The following SH3KBP1 variants were observed in gnomAD, a reference collection of about 807,000 sequenced individuals.
SH3KBP1 encodes SH3 domain containing kinase binding protein 1, also known as SH3 domain-containing kinase-binding protein 1.
A neutral mutation model predicts 50.1 loss-of-function variants in SH3KBP1; 8 were observed. The ratio of observed to expected loss-of-function variants is 0.16; its 90% CI spans 0.09 to 0.29. The LOEUF (loss-of-function observed/expected upper bound fraction) is 0.29. SH3KBP1 is among the 10% of genes least tolerant of loss of function. The pLI is 1.00. For synonymous variants in SH3KBP1, 227 were observed against 218.6 expected, an observed-to-expected ratio of 1.04 and a Z score of -0.34; for missense variants, 377 against 535.2, an observed-to-expected ratio of 0.70 and a Z score of 2.92.
rs1324638926 is a variant in SH3KBP1, at chrX:19,661,669, C to T, written c.727-16194G>A. On this transcript the variant is annotated intron_variant, in intron 6 of 17. Coordinates refer to ENST00000397821, the MANE Select transcript of SH3KBP1 (RefSeq NM_031892.3). The stretch of plus-strand genomic sequence containing the variant: ...TGAGATGGAGTTTCGCTCTGTTGCC[C>T]AGGCTGGAGTGCAGTGGCGCAATCT... 2.9e-5 allele frequency among the ~76,000 whole-genome samples: 3 copies of T among 103,161 alleles called. 1 individual carries two copies. The highest frequency in any genetic ancestry group is 2.0e-5 in the Non-Finnish European group (1 of 50,639). 89.6% of individuals were successfully genotyped at this position (103,161 alleles called of 115,157 possible).
Position 19,692,820 on chromosome X carries a change from T to C in SH3KBP1, c.520+2792A>G, listed in dbSNP as rs186077188. Among the ~76,000 whole-genome samples, 544 of 107,862 alleles carry C rather than the reference T, an allele frequency of 5.0e-3. 5 individuals are homozygous for C. Among genetic ancestry groups the C allele is most frequent in the African/African-American group, 0.018 (530 of 29,541 alleles). 93.7% of individuals were successfully genotyped at this position (107,862 alleles called of 115,157 possible). On this transcript the variant is annotated intron_variant, in intron 5 of 17. Coordinates refer to ENST00000397821, the MANE Select transcript of SH3KBP1 (RefSeq NM_031892.3). ...GCCTCAGCCTCCTGTGTAGCTGGGA[T>C]TACAGGTATGTGCCAGCACGCCCAG...
intron 7 of SH3KBP1, among the ~76,000 whole-genome samples, chrX:19,634,799 AGAGAG>A (rs1202672476): frequency 1.8e-5 from 2 of 111,874 alleles, no homozygotes; most frequent in Non-Finnish European, 1.9e-5. Flanking sequence ...TAAGGAGGGG[AGAGAG>A]GAGAGTCTGG....
At chrX:19,758,931 A>C (rs1229613936) in intron 2 of SH3KBP1, among the ~76,000 whole-genome samples, 6 of 112,036 alleles carry the variant, frequency 5.4e-5, no homozygotes, top group African/African-American at 1.9e-4. Flanking sequence ...ACGGTGTGCC[A>C]ACATAAATGA....
chrX:19,785,790 C>A (rs1163850818), intron 2 of SH3KBP1, among the ~76,000 whole-genome samples: 1 of 111,570 alleles, frequency 9.0e-6, no homozygotes, highest in East Asian at 2.8e-4. Flanking sequence ...CACGGATGAA[C>A]CTTGAGGACA....
chrX:19,871,598 C>T (rs1038878062), intron 1 of SH3KBP1, among the ~76,000 whole-genome samples: 1 of 112,080 alleles, frequency 8.9e-6, no homozygotes, highest in South Asian at 3.7e-4. Flanking sequence ...TGACATTTGA[C>T]GTACACTTGG....
chrX:19,838,401 A>G (rs1162955357), intron 1 of SH3KBP1, among the ~76,000 whole-genome samples: 1 of 111,499 alleles, frequency 9.0e-6, no homozygotes, highest in Non-Finnish European at 1.9e-5. Flanking sequence ...AAAGCTAATA[A>G]TTCCCATCTG....
In SH3KBP1 at chrX:19,588,676, G is replaced by A. The variant is rs767293120; in HGVS notation, c.1265C>T (p.Pro422Leu). The change falls in exon 12 of 18, where the codon CCG becomes CTG. Residue 422 changes from proline to leucine, a missense_variant. Pro to Leu is a moderately conservative substitution (Grantham distance 98). This residue lies in a region of SH3KBP1 where 257 missense variants were observed against 374.2 expected (regional missense o/e 0.69). Transcript: ENST00000397821. ...TGTCAGCGGACCCACCGGTCTCTCCGGCCTTCTCGGGGGCAGTGCGCCAGG... is the reference window on the plus strand; with the variant it reads ...TGTCAGCGGACCCACCGGTCTCTCCAGCCTTCTCGGGGGCAGTGCGCCAGG... ...SRPGALPPRR[P>L]ERPVGPLTHT... is the part of the protein sequence containing the mutation. 1.7e-5 allele frequency: 20 copies of A among 1,205,816 alleles called. No individual in the cohort carries two copies. The East Asian group carries it at 3.3e-4, about 20-fold the overall frequency.
At chrX:19,880,638 C>T (rs1022509512) in intron 1 of SH3KBP1, among the ~76,000 whole-genome samples, 1 of 112,383 alleles carries the variant, frequency 8.9e-6, no homozygotes, top group Admixed American at 9.4e-5. Flanking sequence ...ACAATGACTT[C>T]CCAAAGATGG....
chrX:19,644,627 T>G (rs1388355812), intron 7 of SH3KBP1, among the ~76,000 whole-genome samples: 3 of 112,484 alleles, frequency 2.7e-5, no homozygotes, highest in Non-Finnish European at 5.6e-5. Context: ...ACTATGCCTA[T>G]GAAATACATA....
At chrX:19,875,179 C>T (rs1385848316) in intron 1 of SH3KBP1, among the ~76,000 whole-genome samples, 2 of 111,457 alleles carry the variant, frequency 1.8e-5, no homozygotes, top group Admixed American at 1.9e-4. Context: ...TCCCCCATGG[C>T]ATGCTATCAC....
intron 6 of SH3KBP1, 39 bp from the exon 7 acceptor site, chrX:19,645,514 T>C (rs1286937884): frequency 2.0e-6 from 2 of 984,939 alleles, no homozygotes; most frequent in East Asian, 3.1e-5. Flanking sequence ...ATCAAGATGA[T>C]TGTCTCCATT....
At chrX:19,776,823 G>C (rs1037328925) in intron 2 of SH3KBP1, among the ~76,000 whole-genome samples, 1 of 110,470 alleles carries the variant, frequency 9.1e-6, no homozygotes, top group Admixed American at 9.7e-5. Context: ...CAAAGCACCA[G>C]GATGACAGGT....
chrX:19,710,435 G>A (rs1176245664), intron 3 of SH3KBP1, among the ~76,000 whole-genome samples: 8 of 111,560 alleles, frequency 7.2e-5, no homozygotes, highest in Non-Finnish European at 7.5e-5. Context: ...ACGTCACAAT[G>A]CCCACATCAT....
intron 3 of SH3KBP1, among the ~76,000 whole-genome samples, chrX:19,725,008 G>A (rs1006073492): frequency 1.8e-5 from 2 of 111,604 alleles, no homozygotes; most frequent in African/African-American, 6.5e-5. Context: ...ATTACTACAG[G>A]CTAGCCCAGA....
chrX:19,795,232 T>C (rs2066674025), intron 2 of SH3KBP1, among the ~76,000 whole-genome samples: 2 of 111,803 alleles, frequency 1.8e-5, no homozygotes, highest in African/African-American at 6.5e-5. Context: ...TGGAGATGCA[T>C]CTGTATCTTT....
rs75643225 is a variant in SH3KBP1, at chrX:19,540,075, T to TG, written c.1892+1849dup. ...GTTCAGAAGGCAAGAACCAATGCTC[T>TG]GGGGTATCCTGGGGCCTCTGTGATG... On this transcript the variant is annotated intron_variant, in intron 16 of 17. Transcript: ENST00000397821. Among the ~76,000 whole-genome samples, 467 of 111,539 alleles carry TG rather than the reference T, an allele frequency of 4.2e-3. 10 individuals carry two copies. The East Asian group carries it at 0.093, about 22-fold the overall frequency.
At chrX:19,634,168 G>A (rs916253400) in intron 7 of SH3KBP1, among the ~76,000 whole-genome samples, 1 of 106,110 alleles carries the variant, frequency 9.4e-6, no homozygotes, top group Admixed American at 1.0e-4. Context: ...GAGAGACATG[G>A]AGAGACAGAG....
intron 16 of SH3KBP1, among the ~76,000 whole-genome samples, chrX:19,539,509 C>T (rs774257968): frequency 1.3e-3 from 151 of 112,211 alleles, no homozygotes; most frequent in African/African-American, 4.8e-3. Context: ...ATGCTCCAAC[C>T]CCAGGAGACT....
At chrX:19,817,975 T>C (rs2067409445) in intron 2 of SH3KBP1, among the ~76,000 whole-genome samples, 1 of 112,232 alleles carries the variant, frequency 8.9e-6, no homozygotes, top group Non-Finnish European at 1.9e-5. Flanking sequence ...CTTACCATTG[T>C]GTCGTAACTG....
Sources: gnomAD v4.1 joint callset for allele counts (sites outside exome capture counted in the v4.1 genomes callset) on GRCh38, gnomAD v4.1.1 for gene constraint, gnomAD v4.1.1 regional missense constraint, MANE v1.5 for transcripts, NCBI Gene and HGNC (gene_info 2026-07-23, HGNC 2026-07-21) for gene names.